APOOL: variants seen among roughly 807,000 people sequenced by gnomAD.
APOOL encodes the protein MICOS complex subunit MIC27.
APOOL carries 12 observed loss-of-function variants against 23.1 expected under a neutral mutation model. The ratio of observed to expected loss-of-function variants is 0.52; its 90% CI spans 0.33 to 0.84. The LOEUF (loss-of-function observed/expected upper bound fraction) is 0.84. Ranked by LOEUF, APOOL falls within the 40% of genes least tolerant of loss-of-function variation. APOOL has a pLI of 0.02. For missense variants in APOOL, 212 were observed against 199.6 expected (o/e 1.06, Z -0.37); for synonymous variants, 77 against 69.9 (o/e 1.10, Z -0.51).
chrX:85,007,769 A>G (rs1312431352), intron 1 of APOOL, among the ~76,000 whole-genome samples: 4 of 111,604 alleles, frequency 3.6e-5, no homozygotes, highest in Admixed American at 1.9e-4. Flanking sequence ...TTTGAAGACA[A>G]TTTGGGTATT....
chrX:85,064,502 T>C (rs1247637699), intron 5 of APOOL, among the ~76,000 whole-genome samples: 1 of 110,205 alleles, frequency 9.1e-6, no homozygotes, highest in Non-Finnish European at 1.9e-5. Context: ...TTCTAGCTTT[T>C]CGATGTGGGC....
In APOOL at chrX:85,087,638, C is replaced by A; in HGVS notation, c.767C>A (p.Ser256Tyr). The change falls in exon 9 of 9, where the codon TCC becomes TAC. Residue 256 changes from serine (S) to tyrosine (Y), a missense_variant. Transcript: ENST00000373173. ...PDPKLMDHGQSHPEDIDMYST... is the reference protein window; with the variant it reads ...PDPKLMDHGQYHPEDIDMYST... ...CCCAAGCTCATGGATCACGGGCAGT[C>A]CCACCCAGAAGATATAGATATGTAC... 2 of 1,200,908 alleles carry A rather than the reference C, an allele frequency of 1.7e-6. No individual in the cohort carries two copies. The highest frequency in any genetic ancestry group is 2.2e-6 in the Non-Finnish European group (2 of 890,089).
intron 6 of APOOL, among the ~76,000 whole-genome samples, chrX:85,069,580 A>C (rs1923588556): frequency 1.0e-5 from 1 of 96,941 alleles, no homozygotes; most frequent in Admixed American, 1.1e-4. Flanking sequence ...ACTGCACTCC[A>C]GCCTGGGTGA....
intron 1 of APOOL, among the ~76,000 whole-genome samples, chrX:85,017,235 A>G (rs1921508033): frequency 9.0e-6 from 1 of 111,095 alleles, no homozygotes; most frequent in African/African-American, 3.3e-5. Flanking sequence ...TATGTTCCAG[A>G]GGGGATTATG....
intron 1 of APOOL, among the ~76,000 whole-genome samples, chrX:85,045,800 T>C (rs1433691339): frequency 8.9e-6 from 1 of 111,823 alleles, no homozygotes; most frequent in Admixed American, 9.5e-5. Context: ...AGGGAATGCA[T>C]TGGGAAAATC....
chrX:85,073,700 A>G (rs1256946640), intron 6 of APOOL, among the ~76,000 whole-genome samples: 1 of 111,013 alleles, frequency 9.0e-6, no homozygotes, highest in Admixed American at 9.7e-5. Context: ...AATAGATACA[A>G]TTTTATATAT....
intron 1 of APOOL, among the ~76,000 whole-genome samples, chrX:85,034,785 A>G (rs758195989): frequency 8.9e-6 from 1 of 112,066 alleles, no homozygotes; most frequent in South Asian, 3.7e-4. Context: ...GCTGTAAAGG[A>G]CATGCTTTCT....
chrX:85,084,785 A>C (rs1381321437), intron 8 of APOOL, among the ~76,000 whole-genome samples: 1 of 112,029 alleles, frequency 8.9e-6, no homozygotes, highest in Non-Finnish European at 1.9e-5. Context: ...TCTTTCACCA[A>C]ACTTTGAACA....
chrX:85,008,535 TTGTGTGTGTGTG>T (rs57105866), intron 1 of APOOL, among the ~76,000 whole-genome samples: 5 of 86,131 alleles, frequency 5.8e-5, no homozygotes, highest in Admixed American at 2.8e-4. Context: ...TGATAACCCG[TTGTGTGTGTGTG>T]TGTGTGTGTG....
chrX:85,047,981 T>A (rs1040264849), intron 2 of APOOL, among the ~76,000 whole-genome samples: 1 of 111,618 alleles, frequency 9.0e-6, no homozygotes, highest in South Asian at 3.7e-4. Context: ...ATGTAGACTA[T>A]TTCCAGCTAT....
intron 1 of APOOL, among the ~76,000 whole-genome samples, chrX:85,019,901 G>C (rs1343146169): frequency 8.9e-6 from 1 of 111,889 alleles, no homozygotes; most frequent in Non-Finnish European, 1.9e-5. Flanking sequence ...CCAGGGAGTG[G>C]GGCAAACAGC....
chrX:85,023,502 G>A (rs1467730865), intron 1 of APOOL, among the ~76,000 whole-genome samples: 1 of 111,372 alleles, frequency 9.0e-6, no homozygotes. Context: ...TACATATTCA[G>A]TGCAATCCCT....
In APOOL at chrX:85,086,145, A is replaced by C. The variant is rs148050610; in HGVS notation, c.719-1445A>C. Among the ~76,000 whole-genome samples the C allele has an allele frequency of 5.3e-3, 594 of 111,897 alleles. 4 individuals are homozygous for C. The highest frequency in any genetic ancestry group is 0.018 in the African/African-American group (560 of 30,848). On this transcript the variant is annotated intron_variant, in intron 8 of 8. Transcript: ENST00000373173. ...TTGCCAAATCCAGGAGTTGATTCTC[A>C]ATCTCCATCTTATGCAATCCATCAG...
intron 4 of APOOL, 123 bp downstream of exon 4, chrX:85,054,521 T>C: frequency 2.3e-6 from 1 of 437,833 alleles, no homozygotes; most frequent in African/African-American, 3.0e-5. Context: ...AGGTACTCTC[T>C]ATAGCAATTT....
At chrX:85,077,019 G>GTA (rs1231987464) in intron 8 of APOOL, among the ~76,000 whole-genome samples, 7 of 75,467 alleles carry the variant, frequency 9.3e-5, no homozygotes, top group East Asian at 7.7e-4. Flanking sequence ...ATATATATAC[G>GTA]TATATATATG....
intron 1 of APOOL, among the ~76,000 whole-genome samples, chrX:85,016,221 A>C (rs1343147445): frequency 9.5e-6 from 1 of 104,888 alleles, no homozygotes; most frequent in Non-Finnish European, 2.0e-5. Context: ...AAAGGAATTG[A>C]GGTTTTTGCC....
At chrX:85,064,481 A>G (rs775433766) in intron 5 of APOOL, among the ~76,000 whole-genome samples, 1 of 109,523 alleles carries the variant, frequency 9.1e-6, no homozygotes, top group Non-Finnish European at 1.9e-5. Context: ...TAGGATGTCA[A>G]TGTGAGATCT....
At chrX:85,012,945 A>G (rs1340842732) in intron 1 of APOOL, among the ~76,000 whole-genome samples, 1 of 112,002 alleles carries the variant, frequency 8.9e-6, no homozygotes, top group Admixed American at 9.4e-5. Flanking sequence ...AGTGTCTGAT[A>G]CAGCTTAGCT....
intron 1 of APOOL, among the ~76,000 whole-genome samples, chrX:85,040,078 C>A (rs990408273): frequency 8.9e-5 from 10 of 111,951 alleles, no homozygotes; most frequent in Non-Finnish European, 1.7e-4. Flanking sequence ...AAGGACCTCT[C>A]GTAAGGCAGA....
Sources: gnomAD v4.1 joint callset for allele counts (sites outside exome capture counted in the v4.1 genomes callset) on GRCh38, gnomAD v4.1.1 for gene constraint, MANE v1.5 for transcripts, NCBI Gene and HGNC (gene_info 2026-07-23, HGNC 2026-07-21) for gene names.